NFIA: variants seen among roughly 807,000 people sequenced by gnomAD.
NFIA encodes nuclear factor I A.
Under a neutral mutation model 62.8 loss-of-function variants are expected in NFIA, and 8 were observed. That is an observed-to-expected ratio of 0.13 (90% confidence interval 0.07 to 0.23). NFIA has a LOEUF of 0.23. Ranked by LOEUF, NFIA falls within the 10% of genes least tolerant of loss-of-function variation. The pLI, the probability that NFIA is intolerant of heterozygous loss-of-function variation, is 1.00. For missense variants in NFIA, 410 were observed against 642.1 expected (o/e 0.64, Z 3.91); for synonymous variants, 235 against 238.1 (o/e 0.99, Z 0.12).
intron 2 of NFIA, among the ~76,000 whole-genome samples, chr1:61,238,275 C>T (rs1655118462): frequency 6.6e-6 from 1 of 152,150 alleles, no homozygotes; most frequent in Non-Finnish European, 1.5e-5. Flanking sequence ...AAGTGGGTTA[C>T]TCCTTAATTT....
Position 61,456,667 on chromosome 1 carries a change from ATAG to A in NFIA, c.*1350_*1352del, listed in dbSNP as rs1414346141. 1.4e-5 allele frequency: 2 copies of A among 147,650 alleles called. No homozygotes were observed. Among genetic ancestry groups the A allele is most frequent in the African/African-American group, 5.0e-5 (2 of 39,604 alleles). 9.1% of individuals were successfully genotyped at this position (147,650 alleles called of 1,614,324 possible). On this transcript the variant is annotated 3_prime_UTR_variant, in exon 11 of 11. Coordinates refer to ENST00000403491, the MANE Select transcript of NFIA (RefSeq NM_001134673.4). Reference sequence around the variant, plus strand: ...CTGAACTGGGCTATGGGAAATAATAATAGTAATAATAATAATAATAATAATGAT... The same window carrying A: ...CTGAACTGGGCTATGGGAAATAATAATAATAATAATAATAATAATAATGAT...
intron 2 of NFIA, among the ~76,000 whole-genome samples, chr1:61,146,885 T>A (rs547076192): frequency 1.3e-5 from 2 of 152,304 alleles, no homozygotes; most frequent in Non-Finnish European, 2.9e-5. Context: ...CTTAAAAAGA[T>A]ATTTACCAGA....
chr1:61,257,345 T>G (rs951633279), intron 2 of NFIA, among the ~76,000 whole-genome samples: 13 of 137,582 alleles, frequency 9.4e-5, no homozygotes, highest in Non-Finnish European at 1.6e-4. Context: ...TTTTTTTTTT[T>G]TTTTTTTTTT....
At chr1:61,078,237 C>A (rs573018341), upstream of NFIA, among the ~76,000 whole-genome samples, 2 of 148,518 alleles carry the variant, frequency 1.3e-5, no homozygotes, top group Admixed American at 1.3e-4. Flanking sequence ...TTAGCAAGCA[C>A]AATAGGAAAG....
intron 2 of NFIA, among the ~76,000 whole-genome samples, chr1:61,138,270 AT>A (rs1484816933): frequency 6.6e-6 from 1 of 151,658 alleles, no homozygotes; most frequent in Non-Finnish European, 1.5e-5. Context: ...TAATTTTTGT[AT>A]TTTTTGTAAA....
At position 61,082,721 on chromosome 1, in the gene NFIA, C is replaced by T. The variant is rs151154338; in HGVS notation, c.-71C>T. The T allele has an allele frequency of 4.2e-3, 6,449 of 1,549,270 alleles. 25 individuals carry two copies. Among genetic ancestry groups the T allele is most frequent in the Non-Finnish European group, 4.8e-3 (5,506 of 1,145,700 alleles). ...CTTCCTCTCTCCCTCTTTCTCCTCT[C>T]TCACCCACACTCACGCACACCTCCA... On this transcript the variant is annotated 5_prime_UTR_variant, in exon 1 of 11. Transcript: ENST00000403491.
chr1:61,439,842 C>T (rs1667498120), intron 10 of NFIA, among the ~76,000 whole-genome samples: 2 of 152,162 alleles, frequency 1.3e-5, no homozygotes, highest in Admixed American at 1.3e-4. Flanking sequence ...AACCTGAGGA[C>T]ATAATGGCTG....
chr1:61,230,258 CAG>C (rs1290019066), intron 2 of NFIA, among the ~76,000 whole-genome samples: 5 of 152,080 alleles, frequency 3.3e-5, no homozygotes, highest in African/African-American at 1.2e-4. Context: ...CAATAAAAAA[CAG>C]AATATCTAGA....
intron 2 of NFIA, among the ~76,000 whole-genome samples, chr1:61,103,913 A>G (rs1405973433): frequency 6.6e-6 from 1 of 152,128 alleles, no homozygotes; most frequent in East Asian, 1.9e-4. Context: ...TAGACAATTG[A>G]TGATGCTAAA....
chr1:61,204,848 T>C (rs936982037), intron 2 of NFIA, among the ~76,000 whole-genome samples: 5 of 151,728 alleles, frequency 3.3e-5, no homozygotes, highest in African/African-American at 7.2e-5. Context: ...CTGAGTGATA[T>C]TGAAAACATT....
chr1:61,137,612 C>T (rs1389413938), intron 2 of NFIA, among the ~76,000 whole-genome samples: 1 of 152,098 alleles, frequency 6.6e-6, no homozygotes, highest in Non-Finnish European at 1.5e-5. Context: ...CCTTGGCTGC[C>T]CATTTAGAAT....
intron 10 of NFIA, among the ~76,000 whole-genome samples, chr1:61,444,585 G>C (rs2100579387): frequency 6.6e-6 from 1 of 152,304 alleles, no homozygotes; most frequent in East Asian, 1.9e-4. Flanking sequence ...GAACAATACA[G>C]AAAGGTTGAT....
chr1:61,249,534 C>T (rs1243687449), intron 2 of NFIA, among the ~76,000 whole-genome samples: 1 of 152,096 alleles, frequency 6.6e-6, no homozygotes, highest in Non-Finnish European at 1.5e-5. Flanking sequence ...TTTCAGAGGC[C>T]AAGGCAGGTG....
At chr1:61,256,046 TGGA>T (rs1201766338) in intron 2 of NFIA, among the ~76,000 whole-genome samples, 2 of 152,104 alleles carry the variant, frequency 1.3e-5, no homozygotes, top group African/African-American at 4.8e-5. Flanking sequence ...TCGACCACAT[TGGA>T]AGAAGAAGAA....
intron 2 of NFIA, among the ~76,000 whole-genome samples, chr1:61,182,643 CAT>C (rs1650832829): frequency 6.6e-6 from 1 of 152,114 alleles, no homozygotes; most frequent in South Asian, 2.1e-4. Context: ...CAGATGAAAT[CAT>C]AACAGTTTGG....
At chr1:61,137,632 T>A (rs1433920309) in intron 2 of NFIA, among the ~76,000 whole-genome samples, 2 of 152,210 alleles carry the variant, frequency 1.3e-5, no homozygotes, top group East Asian at 3.9e-4. Flanking sequence ...TCACCTGGAG[T>A]GGGATCTGGG....
At chr1:61,363,814 C>G (rs1439366504) in intron 6 of NFIA, among the ~76,000 whole-genome samples, 2 of 151,934 alleles carry the variant, frequency 1.3e-5, no homozygotes, top group Non-Finnish European at 2.9e-5. Flanking sequence ...ATCAAATAAC[C>G]CTCAGCAGTT....
chr1:61,314,313 G>GACCT (rs1660261733), intron 3 of NFIA, among the ~76,000 whole-genome samples: 2 of 152,064 alleles, frequency 1.3e-5, no homozygotes, highest in African/African-American at 4.8e-5. Flanking sequence ...GGACTGCAAG[G>GACCT]ACCTGAAGGT....
At chr1:61,098,061 C>T (rs1646446962) in intron 2 of NFIA, among the ~76,000 whole-genome samples, 1 of 152,158 alleles carries the variant, frequency 6.6e-6, no homozygotes, top group South Asian at 2.1e-4. Context: ...AAAGAGCTTA[C>T]TATAGAATAA....
Sources: allele counts gnomAD v4.1 joint callset (sites outside exome capture counted in the v4.1 genomes callset), GRCh38; gene constraint gnomAD v4.1.1; transcripts MANE v1.5; gene names NCBI Gene and HGNC (gene_info 2026-07-23, HGNC 2026-07-21).